Variants in GNG12 observed in about 807,000 individuals in gnomAD.
The protein encoded by GNG12 is G protein subunit gamma 12, also known as guanine nucleotide-binding protein G(I)/G(S)/G(O) subunit gamma-12.
For missense variants in GNG12, 69 were observed against 83.8 expected, an observed-to-expected ratio of 0.82 and a Z score of 0.69; for synonymous variants, 28 against 29.7, an observed-to-expected ratio of 0.94 and a Z score of 0.19.
chr1:67,712,755 G>A (rs897480729), intron 2 of GNG12, among the ~76,000 whole-genome samples: 13 of 150,660 alleles, frequency 8.6e-5, no homozygotes, highest in Non-Finnish European at 1.3e-4. Context: ...TTCCCACTGC[G>A]CCAAGGAAAG....
chr1:67,815,719 C>G (rs1892523), intron 1 of GNG12, among the ~76,000 whole-genome samples: 111,195 of 151,974 alleles, frequency 0.73, 40,825 homozygotes, highest in Middle Eastern at 0.8. Context: ...GTATGTGCTG[C>G]GGGGAGGGGC....
chr1:67,754,518 A>T (rs1200460847), intron 2 of GNG12, among the ~76,000 whole-genome samples: 2 of 152,184 alleles, frequency 1.3e-5, no homozygotes, highest in Non-Finnish European at 2.9e-5. Context: ...AGTTGGGAGT[A>T]TAAGCAGCTG....
intron 1 of GNG12, among the ~76,000 whole-genome samples, chr1:67,797,318 T>C (rs990269973): frequency 6.6e-6 from 1 of 152,208 alleles, no homozygotes; most frequent in African/African-American, 2.4e-5. Flanking sequence ...TGTCCTGCCA[T>C]TAAGATACAG....
At chr1:67,707,733 A>G (rs757152715) in intron 2 of GNG12, 21 bp from the exon 3 acceptor site, 2 of 1,260,108 alleles carry the variant, frequency 1.6e-6, no homozygotes. Context: ...TTTTTTTTAA[A>G]GACAAGTAAC....
chr1:67,703,872 T>C lies in GNG12; in HGVS notation c.*1579A>G, dbSNP rs926783211. ...AAAGGGGTTTGCTTTCCAGGACAGA[T>C]TGTACAAAATTTGGGAAAATCGTTG... On this transcript the variant is annotated 3_prime_UTR_variant, in exon 4 of 4. Coordinates refer to ENST00000370982, the MANE Select transcript of GNG12 (RefSeq NM_018841.6). 5 of 152,354 alleles carry C rather than the reference T, an allele frequency of 3.3e-5. No individual in the cohort carries two copies. Among genetic ancestry groups the C allele is most frequent in the Middle Eastern group, 3.4e-3 (1 of 294 alleles). 9.4% of individuals were successfully genotyped at this position (152,354 alleles called of 1,614,324 possible). A position where few individuals can be genotyped will look rare whatever the true frequency, so the allele number is the denominator to read the frequency against.
chr1:67,786,342 GC>G (rs1243051651), intron 1 of GNG12, among the ~76,000 whole-genome samples: 1 of 152,100 alleles, frequency 6.6e-6, no homozygotes, highest in Non-Finnish European at 1.5e-5. Flanking sequence ...TCCATAACAT[GC>G]CCAGTGCCTT....
intron 1 of GNG12, among the ~76,000 whole-genome samples, chr1:67,815,793 G>A (rs1287523993): frequency 3.3e-5 from 5 of 152,112 alleles, no homozygotes; most frequent in Non-Finnish European, 5.9e-5. Flanking sequence ...GTAACTAGAT[G>A]AGGAAATGAG....
At chr1:67,803,603 G>A (rs1646878922) in intron 1 of GNG12, among the ~76,000 whole-genome samples, 1 of 152,162 alleles carries the variant, frequency 6.6e-6, no homozygotes, top group African/African-American at 2.4e-5. Flanking sequence ...AACATATCAG[G>A]CCCTGTGTTA....
chr1:67,802,823 G>A (rs1236330392), intron 1 of GNG12, among the ~76,000 whole-genome samples: 2 of 151,834 alleles, frequency 1.3e-5, no homozygotes, highest in African/African-American at 2.4e-5. Context: ...TAGCAAAGCT[G>A]GGTGTCTCTC....
At chr1:67,790,562 G>A (rs568965267) in intron 1 of GNG12, among the ~76,000 whole-genome samples, 12 of 151,178 alleles carry the variant, frequency 7.9e-5, no homozygotes, top group East Asian at 3.9e-4. Flanking sequence ...TATCTGCATC[G>A]ACAACTTGAT....
chr1:67,831,100 T>C (rs1406057734), intron 1 of GNG12, among the ~76,000 whole-genome samples: 1 of 152,230 alleles, frequency 6.6e-6, no homozygotes, highest in Non-Finnish European at 1.5e-5. Flanking sequence ...CAAATCACTG[T>C]TAAACAAGCT....
chr1:67,763,753 C>T (rs573255872), intron 2 of GNG12, among the ~76,000 whole-genome samples: 2 of 152,050 alleles, frequency 1.3e-5, no homozygotes, highest in East Asian at 1.9e-4. Context: ...CCAAATCCAC[C>T]CCCCTCCCAC....
chr1:67,771,185 G>A (rs558774107), intron 2 of GNG12, among the ~76,000 whole-genome samples: 1 of 152,314 alleles, frequency 6.6e-6, no homozygotes, highest in Admixed American at 6.5e-5. Flanking sequence ...ATGAAGCTGA[G>A]TCTTAACTAT....
chr1:67,747,540 A>G (rs1646514540), intron 2 of GNG12, among the ~76,000 whole-genome samples: 1 of 152,210 alleles, frequency 6.6e-6, no homozygotes, highest in South Asian at 2.1e-4. Context: ...AAGGTGTGCT[A>G]TTACAGTATC....
chr1:67,743,464 G>T (rs1038309343), intron 2 of GNG12, among the ~76,000 whole-genome samples: 4 of 152,174 alleles, frequency 2.6e-5, no homozygotes, highest in Non-Finnish European at 5.9e-5. Context: ...TTTATCTGCT[G>T]CTAATACCGC....
intron 2 of GNG12, among the ~76,000 whole-genome samples, chr1:67,765,595 T>G (rs544629454): frequency 6.6e-6 from 1 of 152,364 alleles, no homozygotes; most frequent in South Asian, 2.1e-4. Context: ...ATAGAAAGGT[T>G]TGTATATTTC....
At position 67,705,715 on chromosome 1, in the gene GNG12, T is replaced by C. The variant is rs1476141872; in HGVS notation, c.94-139A>G. Reference sequence around the variant, plus strand: ...AGAGTCTCAAAGCATCACTCTCAGATTCTTGTCAGGTATAAAAAGGAAATG... The same window carrying C: ...AGAGTCTCAAAGCATCACTCTCAGACTCTTGTCAGGTATAAAAAGGAAATG... On this transcript the variant is annotated intron_variant, in intron 3 of 3. Transcript: ENST00000370982. 1.2e-5 allele frequency: 16 copies of C among 1,368,240 alleles called. No homozygotes were observed. In the African/African-American group the frequency reaches 2.4e-4, roughly 20 times the overall value. The allele number at this position is 1,368,240 out of a possible 1,614,324, so 84.8% of individuals were successfully genotyped here.
intron 2 of GNG12, among the ~76,000 whole-genome samples, chr1:67,710,126 T>TTATATATATAGTTATATATATATAGTTA (rs1557592286): frequency 3.9e-4 from 5 of 12,936 alleles, no homozygotes; most frequent in Non-Finnish European, 4.8e-4. Context: ...ATATATATAG[T>TTATATATATAGTTATATATATATAGTTA]TATATATATA....
At chr1:67,721,736 A>C (rs1291503703) in intron 2 of GNG12, among the ~76,000 whole-genome samples, 3 of 152,206 alleles carry the variant, frequency 2.0e-5, no homozygotes, top group African/African-American at 7.2e-5. Flanking sequence ...GAGGCAGAAT[A>C]TTCCAAATTC....
Sources: gnomAD v4.1 joint callset for allele counts (sites outside exome capture counted in the v4.1 genomes callset) on GRCh38, gnomAD v4.1.1 for gene constraint, MANE v1.5 for transcripts, NCBI Gene and HGNC (gene_info 2026-07-23, HGNC 2026-07-21) for gene names.